CEP112: variants seen among roughly 807,000 people sequenced by gnomAD.
The protein encoded by CEP112 is centrosomal protein of 112 kDa.
A neutral mutation model predicts 153.0 loss-of-function variants in CEP112; 127 were observed. The observed-to-expected ratio is 0.83, with a 90% CI of 0.72 to 0.96. The LOEUF (loss-of-function observed/expected upper bound fraction) is 0.96. CEP112 is among the 40% of genes least tolerant of loss of function. The pLI, the probability that CEP112 is intolerant of heterozygous loss-of-function variation, is 0.00. For synonymous variants in CEP112, 358 were observed against 374.4 expected, an observed-to-expected ratio of 0.96 and a Z score of 0.51; for missense variants, 1,089 against 1,101.2, an observed-to-expected ratio of 0.99 and a Z score of 0.16.
intron 21 of CEP112, among the ~76,000 whole-genome samples, chr17:65,793,003 T>C (rs1478012262): frequency 6.6e-6 from 1 of 152,040 alleles, no homozygotes; most frequent in Non-Finnish European, 1.5e-5. Flanking sequence ...GATGTAGCCA[T>C]GTCCAAATCG....
At chr17:65,746,272 T>C (rs935767892) in intron 22 of CEP112, among the ~76,000 whole-genome samples, 1 of 151,862 alleles carries the variant, frequency 6.6e-6, no homozygotes, top group African/African-American at 2.4e-5. Flanking sequence ...CTTGCTTTTG[T>C]GTGGAAAATA....
chr17:65,738,838 G>A (rs1038654952), intron 23 of CEP112, among the ~76,000 whole-genome samples: 6 of 152,044 alleles, frequency 3.9e-5, no homozygotes, highest in East Asian at 3.9e-4. Context: ...GATAAAAACC[G>A]GACCTTTAGT....
intron 17 of CEP112, among the ~76,000 whole-genome samples, chr17:66,003,783 C>A (rs2064155830): frequency 6.6e-6 from 1 of 152,104 alleles, no homozygotes; most frequent in Admixed American, 6.6e-5. Flanking sequence ...GAGCGTGAAC[C>A]CTATTGTGAA....
chr17:65,930,871 C>T (rs2061097124), intron 18 of CEP112, among the ~76,000 whole-genome samples: 1 of 151,764 alleles, frequency 6.6e-6, no homozygotes, highest in African/African-American at 2.4e-5. Flanking sequence ...TTTTTTCATC[C>T]AGTCAGTCTT....
At chr17:65,752,348 C>T (rs537790976) in intron 21 of CEP112, among the ~76,000 whole-genome samples, 4 of 152,192 alleles carry the variant, frequency 2.6e-5, no homozygotes, top group Admixed American at 2.0e-4. Flanking sequence ...TACAAAGGGG[C>T]CTGGACTCTC....
chr17:65,756,212 T>C (rs2052253510), intron 21 of CEP112, among the ~76,000 whole-genome samples: 1 of 152,008 alleles, frequency 6.6e-6, no homozygotes, highest in African/African-American at 2.4e-5. Flanking sequence ...GAGACCAGCC[T>C]GACCAACATG....
At chr17:65,887,536 A>G (rs566329223) in intron 20 of CEP112, among the ~76,000 whole-genome samples, 4 of 152,342 alleles carry the variant, frequency 2.6e-5, no homozygotes, top group Admixed American at 2.6e-4. Flanking sequence ...TGACTGGTCA[A>G]ACCTGCAAGC....
rs551509511 is a variant in CEP112 at position 65,639,513 on chromosome 17, A to C, written c.2799+1451T>G. On this transcript the variant is annotated intron_variant, in intron 25 of 26. Transcript: ENST00000535342. ...CAAGATAGCGAAACCCTGTCTCTAC[A>C]AACAAACCCCCGTTTCTAAAAATTA... Among the ~76,000 whole-genome samples, 5 of 151,866 alleles carry C rather than the reference A, an allele frequency of 3.3e-5. No individual in the cohort carries two copies. In the East Asian group the frequency reaches 9.9e-4, roughly 30 times the overall value.
At chr17:66,180,826 G>T (rs2146903052) in intron 2 of CEP112, among the ~76,000 whole-genome samples, 1 of 152,090 alleles carries the variant, frequency 6.6e-6, no homozygotes, top group African/African-American at 2.4e-5. Flanking sequence ...GTTTACAAAG[G>T]TCATATTCAT....
chr17:65,818,371 C>T (rs559364962), intron 21 of CEP112, among the ~76,000 whole-genome samples: 1 of 151,934 alleles, frequency 6.6e-6, no homozygotes, highest in East Asian at 1.9e-4. Context: ...ATATCAAAAT[C>T]TTCAATATTT....
chr17:65,904,771 C>A (rs1269279504), intron 19 of CEP112, among the ~76,000 whole-genome samples: 1 of 152,144 alleles, frequency 6.6e-6, no homozygotes, highest in Non-Finnish European at 1.5e-5. Flanking sequence ...GCCAATGGAA[C>A]AGAACAGAGG....
At chr17:66,057,709 C>G (rs1598256399) in intron 11 of CEP112, among the ~76,000 whole-genome samples, 1 of 151,374 alleles carries the variant, frequency 6.6e-6, no homozygotes, top group South Asian at 2.1e-4. Flanking sequence ...GGTGCCTGTC[C>G]TGCTTGTACT....
chr17:66,098,650 C>A (rs1178086181), intron 6 of CEP112, among the ~76,000 whole-genome samples: 1 of 152,108 alleles, frequency 6.6e-6, no homozygotes, highest in Non-Finnish European at 1.5e-5. Context: ...AAAGGAAATA[C>A]ACAAAACAAT....
chr17:66,012,028 A>G (rs2064551649), intron 16 of CEP112, among the ~76,000 whole-genome samples: 2 of 152,164 alleles, frequency 1.3e-5, no homozygotes, highest in Admixed American at 6.5e-5. Context: ...TTTGTCTGAA[A>G]TTAGAATAGC....
At chr17:65,685,667 ATTTT>A (rs556118592) in intron 24 of CEP112, among the ~76,000 whole-genome samples, 3 of 105,316 alleles carry the variant, frequency 2.8e-5, no homozygotes, top group East Asian at 2.7e-4. Flanking sequence ...AATAGTTCTA[ATTTT>A]TTTTTTTTTT....
At chr17:65,974,962 A>G (rs2062977909) in intron 17 of CEP112, among the ~76,000 whole-genome samples, 1 of 152,208 alleles carries the variant, frequency 6.6e-6, no homozygotes, top group African/African-American at 2.4e-5. Flanking sequence ...CTAAAAAAAA[A>G]AAAATGAAAT....
Position 65,970,311 on chromosome 17 carries a change from A to G in CEP112, c.1737-8713T>C, listed in dbSNP as rs956750218. 1.6e-4 allele frequency among the ~76,000 whole-genome samples: 7 copies of G among 42,962 alleles called. 1 individual carries two copies. Among genetic ancestry groups the G allele is most frequent in the African/African-American group, 4.7e-4 (7 of 14,906 alleles). The allele number at this position is 42,962 out of a possible 152,430, so 28.2% of individuals were successfully genotyped here. On this transcript the variant is annotated intron_variant, in intron 17 of 26. Coordinates refer to ENST00000535342, the MANE Select transcript of CEP112 (RefSeq NM_001199165.4). ...GGATGTCATACTGCATGTGTATCTC[A>G]TATGTAAAACATATTGCATGCATAT...
intron 18 of CEP112, among the ~76,000 whole-genome samples, chr17:65,948,190 T>C (rs1474181626): frequency 2.6e-5 from 4 of 152,152 alleles, no homozygotes; most frequent in Non-Finnish European, 5.9e-5. Context: ...AGGATAAACC[T>C]CACTCGTCAA....
At chr17:65,640,756 G>T (rs1449637808) in intron 25 of CEP112, among the ~76,000 whole-genome samples, 1 of 151,988 alleles carries the variant, frequency 6.6e-6, no homozygotes, top group Non-Finnish European at 1.5e-5. Context: ...CAATTTTAAG[G>T]GTGCTTTAAA....
Sources: allele counts gnomAD v4.1 joint callset (sites outside exome capture counted in the v4.1 genomes callset), GRCh38; gene constraint gnomAD v4.1.1; transcripts MANE v1.5; gene names NCBI Gene and HGNC (gene_info 2026-07-23, HGNC 2026-07-21).